Variants in CA10 observed in about 807,000 individuals in gnomAD.
CA10 encodes the protein carbonic anhydrase-related protein 10.
In CA10, 14 loss-of-function variants were observed where a neutral mutation model predicts 44.2. The observed-to-expected ratio is 0.32, with a 90% CI of 0.21 to 0.50. The LOEUF is 0.50. Ranked by LOEUF, CA10 falls within the 20% of genes least tolerant of loss-of-function variation. The pLI, the probability that CA10 is intolerant of heterozygous loss-of-function variation, is 0.99. For missense variants in CA10, 350 were observed against 409.7 expected, an observed-to-expected ratio of 0.85 and a Z score of 1.26; for synonymous variants, 159 against 141.6, an observed-to-expected ratio of 1.12 and a Z score of -0.87.
chr17:51,916,965 G>C (rs767477129), intron 3 of CA10, among the ~76,000 whole-genome samples: 3 of 152,126 alleles, frequency 2.0e-5, no homozygotes, highest in Non-Finnish European at 4.4e-5. Context: ...AGCTACAATA[G>C]TTGGTGATCC....
rs553467824 is a variant in CA10 at position 52,028,034 on chromosome 17, T to C, written c.136+44285A>G. Among the ~76,000 whole-genome samples, 10 of 152,278 alleles carry C rather than the reference T, an allele frequency of 6.6e-5. No individual in the cohort carries two copies. In the South Asian group the frequency reaches 2.1e-3, roughly 32 times the overall value. On this transcript the variant is annotated intron_variant, in intron 2 of 8. Transcript: ENST00000451037. The stretch of plus-strand genomic sequence containing the variant: ...GACCATCACTTTATATTGGCTGACC[T>C]CTCAGTTTCCTCTCTGTAAATACAA...
chr17:52,054,129 C>T (rs186179088), intron 2 of CA10, among the ~76,000 whole-genome samples: 3 of 152,284 alleles, frequency 2.0e-5, no homozygotes, highest in South Asian at 2.1e-4. Context: ...CCAGGCGGAA[C>T]AGAGTCATAT....
At chr17:52,082,340 G>A (rs1168745318) in intron 1 of CA10, among the ~76,000 whole-genome samples, 2 of 151,958 alleles carry the variant, frequency 1.3e-5, no homozygotes, top group Non-Finnish European at 2.9e-5. Flanking sequence ...AAAAGAAAAG[G>A]GACAAAAAGA....
chr17:51,843,490 A>G (rs1329064567), intron 3 of CA10, among the ~76,000 whole-genome samples: 1 of 152,166 alleles, frequency 6.6e-6, no homozygotes, highest in Non-Finnish European at 1.5e-5. Flanking sequence ...TTAAAATGGA[A>G]TCATCCAGTT....
At chr17:51,781,871 G>A (rs1259420335) in intron 3 of CA10, among the ~76,000 whole-genome samples, 1 of 152,162 alleles carries the variant, frequency 6.6e-6, no homozygotes, top group Non-Finnish European at 1.5e-5. Context: ...AATGAGGTAG[G>A]TATTAGATAA....
At chr17:51,910,933 T>G (rs1001856185) in intron 3 of CA10, among the ~76,000 whole-genome samples, 5 of 152,174 alleles carry the variant, frequency 3.3e-5, no homozygotes, top group Admixed American at 6.5e-5. Context: ...AATTTATCAC[T>G]TTTGTCAAGT....
At chr17:51,743,798 C>G (rs527401511) in intron 4 of CA10, among the ~76,000 whole-genome samples, 1 of 152,280 alleles carries the variant, frequency 6.6e-6, no homozygotes, top group East Asian at 1.9e-4. Flanking sequence ...TGGGTCCTCT[C>G]AAAGGATAGC....
intron 2 of CA10, among the ~76,000 whole-genome samples, chr17:52,017,476 C>T (rs567606237): frequency 6.6e-6 from 1 of 152,204 alleles, no homozygotes; most frequent in East Asian, 1.9e-4. Context: ...GCACTGTGTC[C>T]ATGTCCTAGG....
chr17:52,046,920 A>G (rs1013045402), intron 2 of CA10, among the ~76,000 whole-genome samples: 20 of 151,924 alleles, frequency 1.3e-4, no homozygotes, highest in African/African-American at 4.6e-4. Context: ...TTAACACACT[A>G]AAAATAAAAG....
chr17:51,907,557 C>A (rs1029243798), intron 3 of CA10, among the ~76,000 whole-genome samples: 2 of 151,896 alleles, frequency 1.3e-5, no homozygotes, highest in Admixed American at 6.6e-5. Context: ...GGACTTATTC[C>A]CCCAACTGCT....
chr17:51,708,329 T>G (rs1023825592), intron 4 of CA10, among the ~76,000 whole-genome samples: 6 of 152,226 alleles, frequency 3.9e-5, no homozygotes, highest in Non-Finnish European at 8.8e-5. Context: ...GGAGAGGCAC[T>G]GAACACTTAG....
chr17:52,053,217 T>G (rs1598188912), intron 2 of CA10, among the ~76,000 whole-genome samples: 1 of 152,228 alleles, frequency 6.6e-6, no homozygotes, highest in East Asian at 1.9e-4. Flanking sequence ...TGTCTCCATT[T>G]CTAACCCTCT....
At chr17:51,987,847 G>GA (rs1984898246) in intron 2 of CA10, among the ~76,000 whole-genome samples, 1 of 148,770 alleles carries the variant, frequency 6.7e-6, no homozygotes, top group African/African-American at 2.5e-5. Context: ...CAGCAGACTT[G>GA]CCATGCAAAA....
intron 1 of CA10, among the ~76,000 whole-genome samples, chr17:52,075,388 A>C (rs1598201688): frequency 1.3e-5 from 2 of 152,092 alleles, no homozygotes; most frequent in African/African-American, 4.8e-5. Flanking sequence ...AAAATAGTGA[A>C]CTCTTGGGAA....
intron 4 of CA10, among the ~76,000 whole-genome samples, chr17:51,694,065 G>C (rs150944748): frequency 7.2e-5 from 11 of 152,094 alleles, no homozygotes; most frequent in African/African-American, 2.7e-4. Context: ...TTAGCTAGGC[G>C]TGGTGGTGCA....
intron 2 of CA10, among the ~76,000 whole-genome samples, chr17:51,997,866 A>G (rs1222831176): frequency 3.3e-5 from 5 of 152,088 alleles, no homozygotes; most frequent in African/African-American, 1.2e-4. Flanking sequence ...CTGAGTAAAC[A>G]TCGCACCAGA....
intron 3 of CA10, among the ~76,000 whole-genome samples, chr17:51,831,528 TA>T: frequency 6.6e-6 from 1 of 152,280 alleles, no homozygotes; most frequent in Middle Eastern, 3.4e-3. Context: ...GTTGGTTGTC[TA>T]AAGGTCACTG....
Position 52,100,096 on chromosome 17 carries a change from T to C in CA10, c.62-27703A>G, listed in dbSNP as rs116433479. On this transcript the variant is annotated intron_variant, in intron 1 of 8. Transcript: ENST00000451037. ...GAAGAGAGTGGTAGTTGGAAGGAAATAAGAGATCAATTTTTTAATAGGAGA... is the reference window on the plus strand; with the variant it reads ...GAAGAGAGTGGTAGTTGGAAGGAAACAAGAGATCAATTTTTTAATAGGAGA... 2.0e-3 allele frequency among the ~76,000 whole-genome samples: 297 copies of C among 152,184 alleles called. 1 individual carries two copies. The highest frequency in any genetic ancestry group is 6.9e-3 in the African/African-American group (286 of 41,524).
intron 2 of CA10, among the ~76,000 whole-genome samples, chr17:51,951,861 C>G (rs927733802): frequency 1.1e-4 from 16 of 152,140 alleles, no homozygotes; most frequent in African/African-American, 3.6e-4. Flanking sequence ...ACTGCTGAAT[C>G]CTGTATCCAG....
Sources: gnomAD v4.1 joint callset for allele counts (sites outside exome capture counted in the v4.1 genomes callset) on GRCh38, gnomAD v4.1.1 for gene constraint, MANE v1.5 for transcripts, NCBI Gene and HGNC (gene_info 2026-07-23, HGNC 2026-07-21) for gene names.